The following SNTG2 variants were observed in gnomAD, a reference collection of about 807,000 sequenced individuals.
SNTG2 encodes syntrophin gamma 2, also known as gamma-2-syntrophin.
In SNTG2, 74 loss-of-function variants were observed where a neutral mutation model predicts 70.9. The ratio of observed to expected loss-of-function variants is 1.04; its 90% CI spans 0.86 to 1.27. The LOEUF (loss-of-function observed/expected upper bound fraction) is 1.27. SNTG2 is among the 50% of genes most tolerant of loss of function. The pLI is 0.00. For synonymous variants in SNTG2, 278 were observed against 273.8 expected (o/e 1.02, Z -0.15); for missense variants, 717 against 690.7 (o/e 1.04, Z -0.43).
At chr2:1,253,263 C>T (rs962640457) in intron 12 of SNTG2, among the ~76,000 whole-genome samples, 5 of 148,786 alleles carry the variant, frequency 3.4e-5, no homozygotes, top group African/African-American at 7.3e-5. Flanking sequence ...CCCTTACTAA[C>T]ACCAATCAGA....
At chr2:1,076,938 A>G (rs1341787255) in intron 1 of SNTG2, among the ~76,000 whole-genome samples, 2 of 152,216 alleles carry the variant, frequency 1.3e-5, no homozygotes, top group African/African-American at 4.8e-5. Flanking sequence ...TTACATGTAT[A>G]TATGTACATG....
intron 8 of SNTG2, among the ~76,000 whole-genome samples, chr2:1,183,489 A>G (rs73171741): frequency 0.015 from 2,360 of 152,308 alleles, 66 homozygotes; most frequent in African/African-American, 0.054. Flanking sequence ...TGAGAATTCC[A>G]GTTTCACATT....
chr2:1,219,349 C>T (rs1175940989), intron 9 of SNTG2, among the ~76,000 whole-genome samples: 5 of 135,166 alleles, frequency 3.7e-5, no homozygotes, highest in South Asian at 2.2e-4. Context: ...TCCAGTCTTG[C>T]GTATTTCTCT....
intron 14 of SNTG2, among the ~76,000 whole-genome samples, chr2:1,305,295 C>T (rs753241271): frequency 2.1e-4 from 32 of 152,208 alleles, no homozygotes; most frequent in Admixed American, 1.1e-3. Context: ...TGGACATTCT[C>T]TCCCTGAGTT....
intron 14 of SNTG2, 130 bp downstream of exon 14, chr2:1,267,701 T>C: frequency 1.2e-6 from 1 of 864,642 alleles, no homozygotes. Flanking sequence ...TCACCGGAGC[T>C]ACTGTGTGGA....
chr2:1,150,685 A>C, intron 6 of SNTG2, among the ~76,000 whole-genome samples: 1 of 144,442 alleles, frequency 6.9e-6, no homozygotes. Flanking sequence ...AGATGGAAGT[A>C]CGACCCACTC....
rs1285877930 is a variant in SNTG2 at position 1,246,881 on chromosome 2, TAAG to T, written c.889-442_889-440del. ...ATATTTTACATTATTTCATTGTTGT[TAAG>T]AAGTTGAACCATAAAGAGAAACAAT... On this transcript the variant is annotated intron_variant, in intron 11 of 16. Coordinates refer to ENST00000308624, the MANE Select transcript of SNTG2 (RefSeq NM_018968.4). 9.8e-5 allele frequency among the ~76,000 whole-genome samples: 15 copies of T among 152,334 alleles called. No individual in the cohort carries two copies. In the South Asian group the frequency reaches 1.5e-3, roughly 15 times the overall value.
intron 14 of SNTG2, among the ~76,000 whole-genome samples, chr2:1,291,141 T>C (rs1285478450): frequency 6.6e-6 from 1 of 152,222 alleles, no homozygotes; most frequent in East Asian, 1.9e-4. Flanking sequence ...GATGGGTCAT[T>C]GATATATCTT....
chr2:1,212,171 G>A (rs1674089765), intron 9 of SNTG2, among the ~76,000 whole-genome samples: 1 of 152,162 alleles, frequency 6.6e-6, no homozygotes, highest in Non-Finnish European at 1.5e-5. Context: ...AGATTCTCAT[G>A]AATGGGTTAG....
At chr2:1,003,492 T>C in intron 1 of SNTG2, among the ~76,000 whole-genome samples, 1 of 152,190 alleles carries the variant, frequency 6.6e-6, no homozygotes, top group East Asian at 1.9e-4. Context: ...TAACCAAGCA[T>C]TCATCATGTC....
At chr2:1,250,819 A>T (rs1223156231) in intron 12 of SNTG2, among the ~76,000 whole-genome samples, 2 of 152,134 alleles carry the variant, frequency 1.3e-5, no homozygotes, top group East Asian at 3.9e-4. Flanking sequence ...CCTCAGAGAC[A>T]GTTTCATCTT....
At chr2:1,190,504 TA>T (rs1672522120) in intron 8 of SNTG2, among the ~76,000 whole-genome samples, 1 of 55,890 alleles carries the variant, frequency 1.8e-5, no homozygotes, top group African/African-American at 5.5e-5. Flanking sequence ...ACTATATATA[TA>T]TATATATATA....
At position 1,286,951 on chromosome 2, in the gene SNTG2, T is replaced by C. The variant is rs924370428; in HGVS notation, c.1284+19380T>C. 1.3e-5 allele frequency among the ~76,000 whole-genome samples: 2 copies of C among 152,238 alleles called. 1 individual carries two copies. The highest frequency in any genetic ancestry group is 4.1e-4 in the South Asian group (2 of 4,828). ...TCACTGAAGGAGGCAGACATGCTCC[T>C]GTGCACTTCCTCGGCAGGCTCTTCA... is the stretch of plus-strand genomic sequence containing the variant. On this transcript the variant is annotated intron_variant, in intron 14 of 16. Transcript: ENST00000308624.
intron 6 of SNTG2, among the ~76,000 whole-genome samples, chr2:1,150,767 G>T (rs1425259241): frequency 6.6e-6 from 1 of 152,216 alleles, no homozygotes; most frequent in Non-Finnish European, 1.5e-5. Flanking sequence ...AGAGACTTCA[G>T]CCTTTTCTAG....
chr2:978,091 C>A (rs1660972705), intron 1 of SNTG2, among the ~76,000 whole-genome samples: 1 of 152,168 alleles, frequency 6.6e-6, no homozygotes, highest in Admixed American at 6.5e-5. Context: ...GAGACATACC[C>A]AACATGGGCG....
At chr2:1,280,805 A>T (rs1254641113) in intron 14 of SNTG2, among the ~76,000 whole-genome samples, 1 of 152,216 alleles carries the variant, frequency 6.6e-6, no homozygotes, top group African/African-American at 2.4e-5. Flanking sequence ...CTATTATTCT[A>T]CTGCTAGTGC....
intron 14 of SNTG2, among the ~76,000 whole-genome samples, chr2:1,283,329 C>A (rs112493101): frequency 2.6e-5 from 4 of 152,274 alleles, no homozygotes; most frequent in African/African-American, 7.2e-5. Context: ...TGCTTGGGAC[C>A]GGGGTGCCCA....
chr2:1,098,274 T>C (rs755245346), intron 3 of SNTG2, 22 bp downstream of exon 3: 2 of 1,613,828 alleles, frequency 1.2e-6, no homozygotes, highest in African/African-American at 2.7e-5. Flanking sequence ...GTTTTCTCTA[T>C]TCCTGCTTTT....
At chr2:1,276,821 T>C (rs565239223) in intron 14 of SNTG2, among the ~76,000 whole-genome samples, 14 of 152,336 alleles carry the variant, frequency 9.2e-5, no homozygotes, top group East Asian at 1.9e-4. Flanking sequence ...ATTAGAAACA[T>C]TTGTGACTCA....
Sources: gnomAD v4.1 joint callset for allele counts (sites outside exome capture counted in the v4.1 genomes callset) on GRCh38, gnomAD v4.1.1 for gene constraint, MANE v1.5 for transcripts, NCBI Gene and HGNC (gene_info 2026-07-23, HGNC 2026-07-21) for gene names.